The following DPF3 variants were observed in gnomAD, a reference collection of about 807,000 sequenced individuals.
DPF3 encodes double PHD fingers 3, also known as zinc finger protein DPF3.
DPF3 carries 18 observed loss-of-function variants against 56.8 expected under a neutral mutation model. The observed-to-expected ratio is 0.32, with a 90% CI of 0.22 to 0.47. The LOEUF (loss-of-function observed/expected upper bound fraction) is 0.47. DPF3 is among the 20% of genes least tolerant of loss of function. The pLI is 1.00. For synonymous variants in DPF3, 188 were observed against 180.2 expected (o/e 1.04, Z -0.35); for missense variants, 403 against 488.8 (o/e 0.82, Z 1.65).
chr14:72,645,901 G>A (rs1406199399), intron 8 of DPF3, among the ~76,000 whole-genome samples: 1 of 151,914 alleles, frequency 6.6e-6, no homozygotes, highest in African/African-American at 2.4e-5. Context: ...CAAACAGGTT[G>A]TCTACACTCC....
intron 1 of DPF3, among the ~76,000 whole-genome samples, chr14:72,813,817 C>T (rs1599465121): frequency 6.6e-6 from 1 of 152,170 alleles, no homozygotes; most frequent in Non-Finnish European, 1.5e-5. Context: ...TGCTGGGGCT[C>T]GAGCACAGAG....
intron 1 of DPF3, among the ~76,000 whole-genome samples, chr14:72,838,493 C>A (rs1884394424): frequency 6.6e-6 from 1 of 151,950 alleles, no homozygotes; most frequent in Non-Finnish European, 1.5e-5. Flanking sequence ...GACCCTGTCT[C>A]CAAAAAACAG....
At chr14:72,834,135 G>T (rs146145145) in intron 1 of DPF3, among the ~76,000 whole-genome samples, 1 of 151,358 alleles carries the variant, frequency 6.6e-6, no homozygotes, top group East Asian at 2.0e-4. Context: ...CCGAGACTGC[G>T]CCATTGCACT....
intron 8 of DPF3, chr14:72,670,516 G>A (rs1886623014): frequency 3.1e-6 from 3 of 975,848 alleles, no homozygotes; most frequent in African/African-American, 1.9e-5. Flanking sequence ...GGGGTCTGCC[G>A]CGGGGAGCCG....
intron 1 of DPF3, chr14:72,879,704 C>T (rs780891510): frequency 1.4e-6 from 2 of 1,402,724 alleles, no homozygotes; most frequent in Admixed American, 2.6e-5. Flanking sequence ...TGCTCAGACA[C>T]CAGGGGAATG....
chr14:72,647,949 G>A (rs576258494), intron 8 of DPF3, among the ~76,000 whole-genome samples: 10 of 152,156 alleles, frequency 6.6e-5, no homozygotes, highest in Admixed American at 1.3e-4. Flanking sequence ...CTCTCACGTC[G>A]TCACTGCTCA....
chr14:72,806,283 T>C (rs925544059), intron 1 of DPF3, among the ~76,000 whole-genome samples: 5 of 152,274 alleles, frequency 3.3e-5, no homozygotes, highest in African/African-American at 1.2e-4. Flanking sequence ...CACCCGTGGG[T>C]GGTCCTGCTG....
At chr14:72,699,476 T>C (rs1163831227) in intron 6 of DPF3, among the ~76,000 whole-genome samples, 2 of 147,720 alleles carry the variant, frequency 1.4e-5, no homozygotes, top group East Asian at 4.0e-4. Flanking sequence ...GAGCCATGAT[T>C]GTGCCACTGC....
At chr14:72,704,847 G>A (rs1421911258) in intron 6 of DPF3, among the ~76,000 whole-genome samples, 1 of 152,060 alleles carries the variant, frequency 6.6e-6, no homozygotes, top group African/African-American at 2.4e-5. Flanking sequence ...CTTTCATTAA[G>A]TCTTCTTCAT....
intron 1 of DPF3, among the ~76,000 whole-genome samples, chr14:72,873,959 T>C (rs1199920919): frequency 6.6e-6 from 1 of 151,434 alleles, no homozygotes; most frequent in African/African-American, 2.4e-5. Context: ...CATTAGGAGA[T>C]ATACCTAATG....
intron 8 of DPF3, among the ~76,000 whole-genome samples, chr14:72,631,341 A>G (rs1885158955): frequency 6.6e-6 from 1 of 152,258 alleles, no homozygotes; most frequent in Admixed American, 6.5e-5. Flanking sequence ...CCTTACATTA[A>G]AAGCCTGTGT....
At chr14:72,749,549 G>T (rs1349781692) in intron 3 of DPF3, among the ~76,000 whole-genome samples, 1 of 152,214 alleles carries the variant, frequency 6.6e-6, no homozygotes, top group Non-Finnish European at 1.5e-5. Context: ...TATGAGATTT[G>T]GGAGGGGGCA....
chr14:72,650,871 T>C (rs1464256724), intron 8 of DPF3, among the ~76,000 whole-genome samples: 6 of 152,128 alleles, frequency 3.9e-5, no homozygotes, highest in Non-Finnish European at 8.8e-5. Context: ...CCGGGAACAC[T>C]GCCTGAAACT....
chr14:72,749,917 C>G (rs1438532081), intron 3 of DPF3, among the ~76,000 whole-genome samples: 2 of 151,822 alleles, frequency 1.3e-5, no homozygotes, highest in Non-Finnish European at 2.9e-5. Context: ...ACATGTAGCC[C>G]TCACTACGCT....
intron 1 of DPF3, among the ~76,000 whole-genome samples, chr14:72,838,452 C>G (rs1884390110): frequency 2.0e-5 from 3 of 152,160 alleles, no homozygotes; most frequent in African/African-American, 7.2e-5. Flanking sequence ...CGAGATCGAG[C>G]CACTGCACTC....
At chr14:72,840,792 T>G (rs1268860108) in intron 1 of DPF3, among the ~76,000 whole-genome samples, 1 of 152,224 alleles carries the variant, frequency 6.6e-6, no homozygotes. Context: ...TGACAGTATG[T>G]CCTAACCAAA....
At chr14:72,734,319 G>A (rs77795229) in intron 3 of DPF3, among the ~76,000 whole-genome samples, 4,927 of 152,308 alleles carry the variant, frequency 0.032, 189 homozygotes, top group Admixed American at 0.089. Flanking sequence ...GTATGATGAA[G>A]TTACATTTAA....
chr14:72,868,789 C>A (rs1310409399), intron 1 of DPF3, among the ~76,000 whole-genome samples: 1 of 152,174 alleles, frequency 6.6e-6, no homozygotes, highest in African/African-American at 2.4e-5. Context: ...AATACCTTGT[C>A]CTTCCTGCAT....
intron 1 of DPF3, among the ~76,000 whole-genome samples, chr14:72,861,259 G>A (rs7142579): frequency 0.98 from 148,546 of 152,284 alleles, 72,492 homozygotes; most frequent in East Asian, 1. Context: ...GATTATGTAA[G>A]CTCTATTCAG....
Sources: allele counts gnomAD v4.1 joint callset (sites outside exome capture counted in the v4.1 genomes callset), GRCh38; gene constraint gnomAD v4.1.1; transcripts MANE v1.5; gene names NCBI Gene and HGNC (gene_info 2026-07-23, HGNC 2026-07-21).